Variants in SNX29 observed in about 807,000 individuals in gnomAD.
SNX29 encodes the protein sorting nexin 29.
In SNX29, 78 loss-of-function variants were observed where a neutral mutation model predicts 102.1. The observed-to-expected ratio is 0.76, with a 90% CI of 0.64 to 0.92. The LOEUF (loss-of-function observed/expected upper bound fraction) is 0.92. Ranked by LOEUF, SNX29 falls within the 40% of genes least tolerant of loss-of-function variation. The pLI is 0.00. For synonymous variants in SNX29, 580 were observed against 414.5 expected, an observed-to-expected ratio of 1.40 and a Z score of -4.85; for missense variants, 1,280 against 1,061.7, an observed-to-expected ratio of 1.21 and a Z score of -2.86.
intron 20 of SNX29, among the ~76,000 whole-genome samples, chr16:12,535,402 C>G (rs1031882241): frequency 3.3e-5 from 5 of 152,232 alleles, no homozygotes; most frequent in Non-Finnish European, 5.9e-5. Flanking sequence ...TCCCAAAGTG[C>G]TGGGATTACA....
intron 18 of SNX29, among the ~76,000 whole-genome samples, chr16:12,423,018 C>G (rs2084929304): frequency 6.6e-6 from 1 of 152,144 alleles, no homozygotes; most frequent in African/African-American, 2.4e-5. Context: ...TTCTCAAAGC[C>G]CAGCTCAGGA....
intron 18 of SNX29, among the ~76,000 whole-genome samples, chr16:12,420,573 C>T (rs572056816): frequency 6.6e-5 from 10 of 152,316 alleles, no homozygotes; most frequent in African/African-American, 2.4e-4. Flanking sequence ...CCCGAGTTCA[C>T]ACCTGTATGT....
chr16:12,204,278 C>G (rs952104995), intron 14 of SNX29, among the ~76,000 whole-genome samples: 1 of 152,200 alleles, frequency 6.6e-6, no homozygotes, highest in Admixed American at 6.5e-5. Flanking sequence ...TCCCCTGCTC[C>G]TGTTATCAAG....
At position 11,997,604 on chromosome 16, in the gene SNX29, A is replaced by G. The variant is rs552251034; in HGVS notation, c.8-1693A>G. The stretch of plus-strand genomic sequence containing the variant: ...GTGATCCTTCCACTTCTGCCTCATG[A>G]ACAGCTGGGACCACAGGTGTGTGCC... On this transcript the variant is annotated intron_variant, in intron 1 of 20. Transcript: ENST00000566228. Among the ~76,000 whole-genome samples the G allele has an allele frequency of 1.4e-4, 22 of 151,930 alleles. No individual in the cohort carries two copies. In the South Asian group the frequency reaches 4.6e-3, roughly 32 times the overall value.
chr16:12,199,212 T>TC (rs1040603725), intron 13 of SNX29, among the ~76,000 whole-genome samples: 1 of 152,180 alleles, frequency 6.6e-6, no homozygotes, highest in Non-Finnish European at 1.5e-5. Context: ...TTAAGAGCAT[T>TC]CCCCAGGGTG....
At chr16:12,555,498 C>T (rs72773390) in intron 20 of SNX29, among the ~76,000 whole-genome samples, 84,198 of 151,206 alleles carry the variant, frequency 0.56, 24,397 homozygotes, top group Middle Eastern at 0.71. Flanking sequence ...TGTGGGGAGT[C>T]ACGCAGGGAT....
rs1045117929 is a variant in SNX29, at chr16:12,555,412, C to A, written c.2319-13094C>A. On this transcript the variant is annotated intron_variant, in intron 20 of 20. Coordinates refer to ENST00000566228, the MANE Select transcript of SNX29 (RefSeq NM_032167.5). ...CTGCGTGTCTGCTGGGCTGCTGGCC[C>A]CTCAGGTTGCTTTGTAGGAGACACT... Among the ~76,000 whole-genome samples the A allele has an allele frequency of 2.0e-5, 3 of 152,056 alleles. No homozygotes were observed. In the East Asian group the frequency reaches 5.8e-4, roughly 29 times the overall value.
At chr16:12,269,837 CCATCAT>C (rs201886063) in intron 14 of SNX29, among the ~76,000 whole-genome samples, 5 of 129,202 alleles carry the variant, frequency 3.9e-5, no homozygotes, top group African/African-American at 8.8e-5. Flanking sequence ...ATCATCATCA[CCATCAT>C]CATCATCATC....
chr16:12,262,547 A>G (rs2078806729), intron 14 of SNX29, among the ~76,000 whole-genome samples: 1 of 152,222 alleles, frequency 6.6e-6, no homozygotes, highest in Non-Finnish European at 1.5e-5. Context: ...ATGACAAAGA[A>G]CGGGGCTGGT....
Position 12,272,247 on chromosome 16 carries a change from T to C in SNX29, c.1679-5686T>C, listed in dbSNP as rs190103282. On this transcript the variant is annotated intron_variant, in intron 14 of 20. Transcript: ENST00000566228. ...GGGGCTGGTGCCTTGGGGACGGGGC[T>C]AGTGCCTTGGGGACAGGAGGCCAGT... is the stretch of plus-strand genomic sequence containing the variant. 1.5e-3 allele frequency among the ~76,000 whole-genome samples: 223 copies of C among 151,878 alleles called. 2 individuals are homozygous for C. Among genetic ancestry groups the C allele is most frequent in the African/African-American group, 5.1e-3 (210 of 41,168 alleles).
intron 1 of SNX29, among the ~76,000 whole-genome samples, chr16:11,988,488 A>G (rs1014237278): frequency 1.6e-4 from 25 of 152,084 alleles, no homozygotes; most frequent in African/African-American, 4.1e-4. Context: ...GCCTTGACCT[A>G]TAGGCTCAAG....
chr16:12,366,042 CAAAAAAAAAAAAAA>C (rs55895030), intron 16 of SNX29, among the ~76,000 whole-genome samples: 24 of 72,438 alleles, frequency 3.3e-4, no homozygotes, highest in South Asian at 1.3e-3. Flanking sequence ...ACTCTTGTCT[CAAAAAAAAAAAAAA>C]AAAAAAAAAA....
chr16:12,557,140 C>T (rs1232030775), intron 20 of SNX29, among the ~76,000 whole-genome samples: 2 of 152,078 alleles, frequency 1.3e-5, no homozygotes, highest in East Asian at 3.9e-4. Flanking sequence ...GGAGTCACTG[C>T]CCCTGGTCAC....
intron 13 of SNX29, among the ~76,000 whole-genome samples, chr16:12,130,306 C>G (rs1247928562): frequency 2.6e-5 from 4 of 151,300 alleles, no homozygotes; most frequent in Non-Finnish European, 5.9e-5. Flanking sequence ...GAAACCCCGT[C>G]TCTACTAAAA....
chr16:12,447,282 C>T (rs916424198), intron 18 of SNX29, among the ~76,000 whole-genome samples: 10 of 150,944 alleles, frequency 6.6e-5, no homozygotes, highest in Non-Finnish European at 8.8e-5. Context: ...GAAGTCCCAT[C>T]GGCTTAGCAT....
At chr16:12,473,336 C>G (rs546459320) in intron 18 of SNX29, among the ~76,000 whole-genome samples, 165 of 152,224 alleles carry the variant, frequency 1.1e-3, no homozygotes, top group African/African-American at 3.8e-3. Flanking sequence ...CGATTAGATC[C>G]AAAGGGAGAG....
chr16:12,440,090 G>A (rs770758511), intron 18 of SNX29, among the ~76,000 whole-genome samples: 2 of 152,174 alleles, frequency 1.3e-5, no homozygotes, highest in African/African-American at 2.4e-5. Context: ...ATTGACTCGA[G>A]ACTGAAAGAA....
rs146174868 is a variant in SNX29 at position 12,046,974 on chromosome 16, T to G, written c.499+520T>G. Among the ~76,000 whole-genome samples, 45 of 152,192 alleles carry G rather than the reference T, an allele frequency of 3.0e-4. No individual in the cohort carries two copies. The East Asian group carries it at 4.8e-3, about 16-fold the overall frequency. On this transcript the variant is annotated intron_variant, in intron 6 of 20. Transcript: ENST00000566228. ...AGACCCTGGCAGAGAAAGTGAAGAT[T>G]TGAAGGTTTTTAGTTGGGCTTTGGA...
At chr16:12,061,805 TGA>T (rs1457745167) in intron 9 of SNX29, among the ~76,000 whole-genome samples, 159 bp downstream of exon 9, 8 of 152,114 alleles carry the variant, frequency 5.3e-5, no homozygotes, top group Admixed American at 2.0e-4. Context: ...GATGCAGAAG[TGA>T]GAGAGGGCTT....
Sources: allele counts gnomAD v4.1 joint callset (sites outside exome capture counted in the v4.1 genomes callset), GRCh38; gene constraint gnomAD v4.1.1; transcripts MANE v1.5; gene names NCBI Gene and HGNC (gene_info 2026-07-23, HGNC 2026-07-21).